The following CHUK variants were observed in gnomAD, a reference collection of about 807,000 sequenced individuals.
CHUK encodes the protein inhibitor of nuclear factor kappa-B kinase subunit alpha.
CHUK carries 35 observed loss-of-function variants against 104.8 expected under a neutral mutation model. The observed-to-expected ratio is 0.33, with a 90% CI of 0.26 to 0.44. The LOEUF (loss-of-function observed/expected upper bound fraction) is 0.44. Ranked by LOEUF, CHUK falls within the 20% of genes least tolerant of loss-of-function variation. The probability of loss-of-function intolerance (pLI) is 1.00; values close to 1 mark genes in which losing one functional copy is unlikely to be tolerated. For missense variants in CHUK, 663 were observed against 902.7 expected (o/e 0.73, Z 3.40); for synonymous variants, 276 against 291.9 (o/e 0.95, Z 0.56).
rs767047255 is a variant in CHUK at position 100,194,421 on chromosome 10, C to T, written c.1826+4G>A. The T allele has an allele frequency of 1.6e-5, 25 of 1,601,402 alleles. No individual in the cohort carries two copies. Among genetic ancestry groups the T allele is most frequent in the Non-Finnish European group, 2.1e-5 (25 of 1,168,598 alleles). ...TTCAGTAGGAAATGAAGCAATTTTC[C>T]TACCTCAAATGACCAAACAGCTCCT... On this transcript the variant is annotated splice_donor_region_variant and intron_variant, in intron 17 of 20. Transcript: ENST00000370397.
rs1489005972 is a variant in CHUK, at chr10:100,189,494, T to C, written c.*104A>G. On this transcript the variant is annotated 3_prime_UTR_variant, in exon 21 of 21. Transcript: ENST00000370397. ...GTAGTTTCTGTTCATAGCCATTTCTTCCATTGACTGATGTCTGAAGAATGG... is the reference window on the plus strand; with the variant it reads ...GTAGTTTCTGTTCATAGCCATTTCTCCCATTGACTGATGTCTGAAGAATGG... The C allele has an allele frequency of 3.4e-6, 3 of 872,244 alleles. No individual in the cohort carries two copies. Among genetic ancestry groups the C allele is most frequent in the Non-Finnish European group, 5.9e-6 (3 of 504,272 alleles). 54.0% of individuals were successfully genotyped at this position (872,244 alleles called of 1,614,324 possible).
At chr10:100,222,279 G>A (rs1168520495) in intron 3 of CHUK, 98 bp from the exon 4 acceptor site, 1 of 689,386 alleles carries the variant, frequency 1.5e-6, no homozygotes, top group South Asian at 1.6e-5. Context: ...ATATTCAAAT[G>A]AGAAAATAAG....
chr10:100,211,700 A>G (rs1227043167), intron 9 of CHUK, among the ~76,000 whole-genome samples: 1 of 152,176 alleles, frequency 6.6e-6, no homozygotes, highest in Non-Finnish European at 1.5e-5. Flanking sequence ...TCCACTGTGT[A>G]TATATACCAC....
chr10:100,217,880 A>C (rs1845895341), intron 9 of CHUK, 115 bp downstream of exon 9: 1 of 1,032,880 alleles, frequency 9.7e-7, no homozygotes, highest in African/African-American at 1.6e-5. Flanking sequence ...CTGTCTCAAA[A>C]TAAATAAATA....
chr10:100,201,269 C>G (rs900147214), intron 14 of CHUK, among the ~76,000 whole-genome samples: 1 of 152,116 alleles, frequency 6.6e-6, no homozygotes, highest in Non-Finnish European at 1.5e-5. Flanking sequence ...AGTGTAATAA[C>G]TTAGGACCGT....
intron 9 of CHUK, among the ~76,000 whole-genome samples, chr10:100,211,938 T>C (rs1289437236): frequency 6.6e-6 from 1 of 151,954 alleles, no homozygotes; most frequent in Admixed American, 6.6e-5. Context: ...TGATGTGCAG[T>C]GGCATGATCT....
chr10:100,218,193 T>C (rs923065641), intron 8 of CHUK, 63 bp from the exon 9 acceptor site: 10 of 1,414,888 alleles, frequency 7.1e-6, no homozygotes, highest in Non-Finnish European at 9.0e-6. Flanking sequence ...CTTTATACTG[T>C]TAGAAAGGTA....
At chr10:100,218,241 G>T in intron 8 of CHUK, 111 bp from the exon 9 acceptor site, 3 of 917,782 alleles carry the variant, frequency 3.3e-6, no homozygotes, top group Non-Finnish European at 5.2e-6. Context: ...CACATCACTT[G>T]TCTGTACCAT....
chr10:100,214,634 A>T (rs1845810764), intron 9 of CHUK, among the ~76,000 whole-genome samples: 1 of 152,200 alleles, frequency 6.6e-6, no homozygotes, highest in African/African-American at 2.4e-5. Context: ...TGTACCTAAA[A>T]TGATGGCCTC....
rs75386105 is a variant in CHUK, at chr10:100,193,884, A to G, written c.1974+100T>C. 3,069 of 1,047,796 alleles carry G rather than the reference A, an allele frequency of 2.9e-3. 67 individuals carry two copies. In the African/African-American group the frequency reaches 0.041, roughly 14 times the overall value. 64.9% of individuals were successfully genotyped at this position (1,047,796 alleles called of 1,614,324 possible). On this transcript the variant is annotated intron_variant, in intron 18 of 20. Coordinates refer to ENST00000370397, the MANE Select transcript of CHUK (RefSeq NM_001278.5). ...GATGTCATCCCAATGCAAAATATAC[A>G]TGTCTTCAAGAGGGCCCACCTCATG...
At chr10:100,221,000 C>A (rs555689342) in intron 4 of CHUK, among the ~76,000 whole-genome samples, 12 of 152,280 alleles carry the variant, frequency 7.9e-5, no homozygotes, top group Admixed American at 7.2e-4. Flanking sequence ...GACTTTAGCC[C>A]TCATGACCTT....
intron 11 of CHUK, 132 bp downstream of exon 11, chr10:100,207,098 T>C: frequency 1.5e-6 from 1 of 667,950 alleles, no homozygotes; most frequent in Non-Finnish European, 2.7e-6. Flanking sequence ...AGTTCTCATA[T>C]AACTCCATAT....
Position 100,200,790 on chromosome 10 carries a change from G to A in CHUK, c.1570-10C>T. ...ATCCAATGACACCAACCTAAAATATGATGAAAATACAAAGGAAATGAAAGG... is the reference window on the plus strand; with the variant it reads ...ATCCAATGACACCAACCTAAAATATAATGAAAATACAAAGGAAATGAAAGG... On this transcript the variant is annotated splice_polypyrimidine_tract_variant and intron_variant, in intron 14 of 20. Transcript: ENST00000370397. The A allele has an allele frequency of 7.0e-6, 10 of 1,431,836 alleles. No homozygotes were observed. The highest frequency in any genetic ancestry group is 9.9e-6 in the Non-Finnish European group (10 of 1,014,846). The allele number at this position is 1,431,836 out of a possible 1,614,324, so 88.7% of individuals were successfully genotyped here.
At chr10:100,222,532 A>G (rs1401515241) in intron 3 of CHUK, among the ~76,000 whole-genome samples, 1 of 152,212 alleles carries the variant, frequency 6.6e-6, no homozygotes, top group Non-Finnish European at 1.5e-5. Flanking sequence ...TTCATCTAAC[A>G]CCATTGCTAT....
rs1438845560 is a variant in CHUK at position 100,194,105 on chromosome 10, ATCT to A, written c.1850_1852del (p.Lys617del). 5 of 1,613,770 alleles carry A rather than the reference ATCT, an allele frequency of 3.1e-6. No individual in the cohort carries two copies. The highest frequency in any genetic ancestry group is 1.7e-5 in the Admixed American group (1 of 60,002). ...TTCCACCTTAGGGAGTAGATCAATA[ATCT>A]TCTGCTTACAGCCCAACAACTTGCT... On this transcript the variant is annotated inframe_deletion, in exon 18 of 21. Coordinates refer to ENST00000370397, the MANE Select transcript of CHUK (RefSeq NM_001278.5).
At chr10:100,223,181 C>A (rs1846029858) in intron 2 of CHUK, among the ~76,000 whole-genome samples, 1 of 152,180 alleles carries the variant, frequency 6.6e-6, no homozygotes, top group Admixed American at 6.5e-5. Flanking sequence ...ATCACTATTA[C>A]TACTATTACA....
chr10:100,210,087 A>ATTTATTTATTTTTTATT (rs1196919116), intron 9 of CHUK, among the ~76,000 whole-genome samples: 9 of 129,452 alleles, frequency 7.0e-5, no homozygotes, highest in African/African-American at 3.1e-4. Context: ...TTATTTATTT[A>ATTTATTTATTTTTTATT]TTTATTTTTT....
chr10:100,217,282 T>A (rs1199390887), intron 9 of CHUK, among the ~76,000 whole-genome samples: 1 of 150,810 alleles, frequency 6.6e-6, no homozygotes, highest in African/African-American at 2.4e-5. Context: ...ACTATGTTAG[T>A]TTCTTGGGCA....
At chr10:100,217,957 C>G in intron 9 of CHUK, 38 bp downstream of exon 9, 2 of 1,588,720 alleles carry the variant, frequency 1.3e-6, no homozygotes, top group Non-Finnish European at 1.7e-6. Flanking sequence ...TTGTTACTTT[C>G]AATGCTGGTC....
Sources: gnomAD v4.1 joint callset for allele counts (sites outside exome capture counted in the v4.1 genomes callset) on GRCh38, gnomAD v4.1.1 for gene constraint, MANE v1.5 for transcripts, NCBI Gene and HGNC (gene_info 2026-07-23, HGNC 2026-07-21) for gene names.